Variants in FAM78A observed in about 807,000 individuals in gnomAD.
FAM78A encodes family with sequence similarity 78 member A, also known as protein FAM78A.
A neutral mutation model predicts 22.6 loss-of-function variants in FAM78A; 12 were observed. That is an observed-to-expected ratio of 0.53 (90% confidence interval 0.34 to 0.86). The LOEUF is 0.86. Among genes scored for constraint, FAM78A ranks in the 40% least tolerant of loss-of-function variants. FAM78A has a pLI of 0.02. For synonymous variants in FAM78A, 151 were observed against 155.8 expected (o/e 0.97, Z 0.23); for missense variants, 322 against 396.1 (o/e 0.81, Z 1.59).
intron 1 of FAM78A, among the ~76,000 whole-genome samples, chr9:131,268,807 C>T (rs1055254576): frequency 1.3e-5 from 2 of 151,878 alleles, no homozygotes; most frequent in African/African-American, 4.8e-5. Context: ...GCAGGAGAAT[C>T]ACTTGAACCC....
At position 131,260,713 on chromosome 9, in the gene FAM78A, G is replaced by A; in HGVS notation, c.*109C>T. The A allele has an allele frequency of 1.5e-6, 2 of 1,378,422 alleles. No individual in the cohort carries two copies. The highest frequency in any genetic ancestry group is 1.9e-6 in the Non-Finnish European group (2 of 1,034,878). 85.4% of individuals were successfully genotyped at this position (1,378,422 alleles called of 1,614,324 possible). On this transcript the variant is annotated 3_prime_UTR_variant, in exon 2 of 2. Transcript: ENST00000372271. The surrounding 1 kb of genome is among the most constrained non-coding windows in gnomAD (Gnocchi z 5.4). The stretch of plus-strand genomic sequence containing the variant: ...ATCAGCACAGTGAGATCCGCCCGCT[G>A]GAGAGGGTAGAATGGTTGTATCTTG...
In FAM78A at chr9:131,270,999, G is replaced by GCCTTTTTTTTTTT. The variant is rs1311041330; in HGVS notation, c.323+4857_323+4858insAAAAAAAAAAAGG. On this transcript the variant is annotated intron_variant, in intron 1 of 1. Transcript: ENST00000372271. The stretch of plus-strand genomic sequence containing the variant: ...ACCCCTGCCCTGTCCTTTCCCACCA[G>GCCTTTTTTTTTTT]TCTTTTTTTTTTTTTTTTTTTTTTG... Among the ~76,000 whole-genome samples the GCCTTTTTTTTTTT allele has an allele frequency of 4.5e-5, 6 of 131,964 alleles. 2 individuals carry two copies. The highest frequency in any genetic ancestry group is 5.8e-5 in the African/African-American group (2 of 34,312). The allele number at this position is 131,964 out of a possible 152,430, so 86.6% of individuals were successfully genotyped here.
chr9:131,273,141 C>T (rs899739003), intron 1 of FAM78A, among the ~76,000 whole-genome samples: 1 of 152,156 alleles, frequency 6.6e-6, no homozygotes, highest in African/African-American at 2.4e-5. Context: ...ACCAAGTACT[C>T]GGCAGCCTCC....
chr9:131,261,429 G>C lies in FAM78A; in HGVS notation c.324-79C>G. 1 of 1,379,764 alleles carries C rather than the reference G, an allele frequency of 7.2e-7. No homozygotes were observed. 85.5% of individuals were successfully genotyped at this position (1,379,764 alleles called of 1,614,324 possible). ...GTGTCCCCCTGGCAGGCCAGGGGCT[G>C]TCCTGGGCCCTGAGGATGGAACGGA... On this transcript the variant is annotated intron_variant, in intron 1 of 1. Transcript: ENST00000372271. The surrounding 1 kb of genome is among the most constrained non-coding windows in gnomAD (Gnocchi z 7.1).
At chr9:131,278,980 A>G (rs1835517511), upstream of FAM78A, among the ~76,000 whole-genome samples, 1 of 152,180 alleles carries the variant, frequency 6.6e-6, no homozygotes, top group South Asian at 2.1e-4. Flanking sequence ...GGGGTTAACA[A>G]CCAGGACATC....
Position 131,260,849 on chromosome 9 carries a change from C to A in FAM78A, c.825G>T (p.Leu275=). The change falls in exon 2 of 2, where the codon CTG becomes CTT. Residue 275 remains leucine (L), a synonymous_variant. Coordinates refer to ENST00000372271, the MANE Select transcript of FAM78A (RefSeq NM_033387.4). This position sits in a 1 kb window ranked among gnomAD's most constrained non-coding sequence, Gnocchi z 5.4. ...ACCGGTGCTTGGGCGGGATCACCACCAGCGGCTGCCCGTACTTGGGCCGCC... is the reference window on the plus strand; with the variant it reads ...ACCGGTGCTTGGGCGGGATCACCACAAGCGGCTGCCCGTACTTGGGCCGCC... ...LMWRPKYGQP[L]VVIPPKHR The A allele has an allele frequency of 6.6e-7, 1 of 1,524,004 alleles. No individual in the cohort carries two copies. The highest frequency in any genetic ancestry group is 8.8e-7 in the Non-Finnish European group (1 of 1,135,562). 94.4% of individuals were successfully genotyped at this position (1,524,004 alleles called of 1,614,324 possible). A position where few individuals can be genotyped will look rare whatever the true frequency, so the allele number is the denominator to read the frequency against.
rs955594680 is a variant in FAM78A at position 131,265,023 on chromosome 9, C to T, written c.324-3673G>A. Among the ~76,000 whole-genome samples the T allele has an allele frequency of 3.3e-5, 5 of 151,984 alleles. No individual in the cohort carries two copies. Among genetic ancestry groups the T allele is most frequent in the Admixed American group, 1.3e-4 (2 of 15,260 alleles). ...ACAGGCGTGAGCCACCGTCCCCAGC[C>T]GAATTATTTTTATATGAACTTGTTT... is the stretch of plus-strand genomic sequence containing the variant. On this transcript the variant is annotated intron_variant, in intron 1 of 1. Transcript: ENST00000372271. This position sits in a 1 kb window ranked among gnomAD's most constrained non-coding sequence, Gnocchi z 4.3.
chr9:131,271,766 G>A lies in FAM78A; in HGVS notation c.323+4091C>T, dbSNP rs2014481. ...CAGAGAAGGGCAAACCAGGGACAAC[G>A]TGGAACTTCTCCCACACAGGCGAGA... On this transcript the variant is annotated intron_variant, in intron 1 of 1. Transcript: ENST00000372271. 4.5e-3 allele frequency among the ~76,000 whole-genome samples: 688 copies of A among 152,358 alleles called. 8 individuals are homozygous for A. Among genetic ancestry groups the A allele is most frequent in the African/African-American group, 0.015 (640 of 41,584 alleles).
rs1275574161 is a variant in FAM78A at position 131,272,242 on chromosome 9, G to A, written c.323+3615C>T. Among the ~76,000 whole-genome samples the A allele has an allele frequency of 6.6e-6, 1 of 152,182 alleles. No individual in the cohort carries two copies. The highest frequency in any genetic ancestry group is 1.9e-4 in the East Asian group (1 of 5,194). On this transcript the variant is annotated intron_variant, in intron 1 of 1. Coordinates refer to ENST00000372271, the MANE Select transcript of FAM78A (RefSeq NM_033387.4). The surrounding 1 kb of genome is among the most constrained non-coding windows in gnomAD (Gnocchi z 4.1). ...CGCTACCTAGCTGTCCCTTCCCCGG[G>A]CCACTAAAGCACAGGGCCTGGGTTT...
Position 131,260,416 on chromosome 9 carries a change from CTGTCTCTTTGA to C in FAM78A, c.*395_*405del. The C allele has an allele frequency of 3.6e-5, 6 of 168,854 alleles. No homozygotes were observed. The highest frequency in any genetic ancestry group is 7.5e-5 in the Non-Finnish European group (6 of 79,484). 10.5% of individuals were successfully genotyped at this position (168,854 alleles called of 1,614,324 possible). ...GCCACAAATCGGCAGCAGTGTGGAT[CTGTCTCTTTGA>C]TCGGGGGCTGGAGCTTCCCTCCTAA... On this transcript the variant is annotated 3_prime_UTR_variant, in exon 2 of 2. Transcript: ENST00000372271. This position sits in a 1 kb window ranked among gnomAD's most constrained non-coding sequence, Gnocchi z 5.4.
At chr9:131,270,037 TAAAAAAAAAAA>T (rs1008374603) in intron 1 of FAM78A, among the ~76,000 whole-genome samples, 1 of 85,630 alleles carries the variant, frequency 1.2e-5, no homozygotes, top group Non-Finnish European at 2.2e-5. Flanking sequence ...CCTACTAAAA[TAAAAAAAAAAA>T]AAAAAAAAAA....
intron 1 of FAM78A, among the ~76,000 whole-genome samples, chr9:131,262,014 G>A (rs1835277025): frequency 6.6e-6 from 1 of 151,532 alleles, no homozygotes; most frequent in Non-Finnish European, 1.5e-5. Context: ...ATCACTTGAG[G>A]TTAGGAGTTC....
At chr9:131,270,226 G>T in intron 1 of FAM78A, 1 of 714,136 alleles carries the variant, frequency 1.4e-6, no homozygotes, top group South Asian at 1.5e-5. Context: ...TACAACCACC[G>T]AGCTGAAGGG....
At chr9:131,267,526 C>T (rs917831397) in intron 1 of FAM78A, among the ~76,000 whole-genome samples, 5 of 151,854 alleles carry the variant, frequency 3.3e-5, no homozygotes, top group Non-Finnish European at 7.4e-5. Context: ...AGAGTGATAC[C>T]CTGTCTCTGA....
intron 1 of FAM78A, chr9:131,270,664 C>T (rs1328654101): frequency 4.8e-6 from 3 of 620,466 alleles, no homozygotes; most frequent in Non-Finnish European, 9.1e-6. Context: ...GGGGAGGCCG[C>T]CTTCCGGTTA....
intron 1 of FAM78A, among the ~76,000 whole-genome samples, chr9:131,264,876 AC>A (rs1210766455): frequency 7.9e-5 from 12 of 151,958 alleles, no homozygotes; most frequent in African/African-American, 2.9e-4. Context: ...GGCACCCACC[AC>A]CACGCCCAGC....
At chr9:131,264,986 G>T (rs977484015) in intron 1 of FAM78A, among the ~76,000 whole-genome samples, 1 of 152,124 alleles carries the variant, frequency 6.6e-6, no homozygotes, top group Non-Finnish European at 1.5e-5. Flanking sequence ...GCCTCCCGAA[G>T]TGTCTGGGAT....
At chr9:131,262,064 T>TA (rs1835277773) in intron 1 of FAM78A, among the ~76,000 whole-genome samples, 1 of 151,664 alleles carries the variant, frequency 6.6e-6, no homozygotes, top group Non-Finnish European at 1.5e-5. Context: ...TCGTCTCTAC[T>TA]AAAAATACAA....
Position 131,275,868 on chromosome 9 carries a change from G to C in FAM78A, c.312C>G (p.Gly104=). Residue 104 remains glycine (G), a synonymous_variant, in exon 1 of 2, where the codon GGC becomes GGG. Transcript: ENST00000372271. The surrounding 1 kb of genome is among the most constrained non-coding windows in gnomAD (Gnocchi z 4.6). ...TCGGCCGTACTCACATGCCCTGCTC[G>C]CCGTACTGGTTGTAGAACTCCATGT... ...CSHMEFYNQY[G]EQGMSSWELP... The C allele has an allele frequency of 6.3e-7, 1 of 1,591,276 alleles. No homozygotes were observed. Among genetic ancestry groups the C allele is most frequent in the Non-Finnish European group, 8.6e-7 (1 of 1,166,398 alleles).
Sources: gnomAD v4.1 joint callset for allele counts (sites outside exome capture counted in the v4.1 genomes callset) on GRCh38, gnomAD v4.1.1 for gene constraint, Gnocchi (gnomAD v3.1) non-coding constraint, MANE v1.5 for transcripts, NCBI Gene and HGNC (gene_info 2026-07-23, HGNC 2026-07-21) for gene names.